The following HOXA10 variants were observed in gnomAD, a reference collection of about 807,000 sequenced individuals.
HOXA10 encodes the protein homeobox protein Hox-A10.
HOXA10 carries 12 observed loss-of-function variants against 29.7 expected under a neutral mutation model. The observed-to-expected ratio is 0.40, with a 90% CI of 0.26 to 0.65. HOXA10 has a LOEUF of 0.65. HOXA10 is among the 30% of genes least tolerant of loss of function. HOXA10 has a pLI of 0.37. For missense variants in HOXA10, 656 were observed against 585.9 expected (o/e 1.12, Z -1.24); for synonymous variants, 327 against 280.7 (o/e 1.16, Z -1.65).
chr7:27,172,934 C>T, intron 1 of HOXA10: 1 of 197,182 alleles, frequency 5.1e-6, no homozygotes, highest in East Asian at 1.5e-4. Context: ...CTGGCGGCTG[C>T]TTATTTTGGA....
At position 27,173,976 on chromosome 7, in the gene HOXA10, C is replaced by G. The variant is rs1464180084; in HGVS notation, c.331G>C (p.Gly111Arg). Reference protein sequence around the residue: ...GGLGPGAHGYGPSPIDLWLDA... With the variant: ...GGLGPGAHGYRPSPIDLWLDA... The stretch of plus-strand genomic sequence containing the variant: ...AGCCACAGGTCTATGGGCGAGGGCC[C>G]GTAGCCGTGCGCCCCGGGACCTAGA... Residue 111 changes from glycine to arginine, a missense_variant, in exon 1 of 2, where the codon GGG (glycine) becomes CGG (arginine). Physicochemically the swap from Gly to Arg is moderately radical, Grantham distance 125. This residue lies in a region of HOXA10 where 594 missense variants were observed against 491.9 expected (regional missense o/e 1.21). Transcript: ENST00000283921. The G allele has an allele frequency of 2.6e-6, 4 of 1,527,724 alleles. No individual in the cohort carries two copies. Among genetic ancestry groups the G allele is most frequent in the Non-Finnish European group, 3.5e-6 (4 of 1,142,224 alleles). The allele number at this position is 1,527,724 out of a possible 1,614,324, so 94.6% of individuals were successfully genotyped here. A position where few individuals can be genotyped will look rare whatever the true frequency, so the allele number is the denominator to read the frequency against.
chr7:27,173,564 C>T lies in HOXA10; in HGVS notation c.743G>A (p.Arg248His). 2.1e-6 allele frequency: 3 copies of T among 1,462,862 alleles called. No individual in the cohort carries two copies. Among genetic ancestry groups the T allele is most frequent in the Non-Finnish European group, 2.7e-6 (3 of 1,115,222 alleles). 90.6% of individuals were successfully genotyped at this position (1,462,862 alleles called of 1,614,324 possible). ...TAGCGCGGGCGGGAGATCGAAACCG[C>T]GCCCCGGGGGCTGCGCGGGGAACGG... ...AGPFPAQPPGRGFDLPPALAS... is the reference protein window; with the variant it reads ...AGPFPAQPPGHGFDLPPALAS... The change falls in exon 1 of 2, where the codon CGC (arginine) becomes CAC (histidine). Residue 248 changes from arginine to histidine, a missense_variant. By Grantham distance (29) the Arg-to-His change is conservative. Around this residue, in one of 2 missense-constraint regions of HOXA10, gnomAD observed 594 missense variants for 491.9 expected, o/e 1.21. Coordinates refer to ENST00000283921, the MANE Select transcript of HOXA10 (RefSeq NM_018951.4).
In HOXA10 at chr7:27,173,108, C is replaced by T. The variant is rs372422461; in HGVS notation, c.958+241G>A. On this transcript the variant is annotated intron_variant, in intron 1 of 1. Transcript: ENST00000283921. The stretch of plus-strand genomic sequence containing the variant: ...GGGGCCTGCTCGCTGGTGTCCTCGT[C>T]CCTAGTCAGGGGGAGCTGAGGCCAG... 1.1e-5 allele frequency: 7 copies of T among 612,116 alleles called. No individual in the cohort carries two copies. In the African/African-American group the frequency reaches 1.3e-4, roughly 11 times the overall value. The allele number at this position is 612,116 out of a possible 1,614,324, so 37.9% of individuals were successfully genotyped here. A position where few individuals can be genotyped will look rare whatever the true frequency, so the allele number is the denominator to read the frequency against.
chr7:27,177,049 C>T (rs1471713839), upstream of HOXA10, among the ~76,000 whole-genome samples: 5 of 152,344 alleles, frequency 3.3e-5, no homozygotes, highest in East Asian at 1.9e-4. Flanking sequence ...CAGGTCAGGG[C>T]CCCGTAGGGC....
At chr7:27,179,729 G>C in exon 1 of HOXA10, 1 of 750,384 alleles carries the variant, frequency 1.3e-6, no homozygotes, top group Non-Finnish European at 2.5e-6. Context: ...AATGCGCGTT[G>C]CTTTAAATTA....
At chr7:27,175,983 G>A (rs1783649038), upstream of HOXA10, among the ~76,000 whole-genome samples, 1 of 152,218 alleles carries the variant, frequency 6.6e-6, no homozygotes, top group Non-Finnish European at 1.5e-5. Context: ...GATTCAAGCA[G>A]CTGCGGTCGC....
In HOXA10 at chr7:27,170,979, G is replaced by T. The variant is rs528609608; in HGVS notation, c.*920C>A. The T allele has an allele frequency of 1.3e-5, 6 of 449,324 alleles. No homozygotes were observed. The highest frequency in any genetic ancestry group is 7.1e-5 in the Admixed American group (3 of 42,184). The allele number at this position is 449,324 out of a possible 1,614,324, so 27.8% of individuals were successfully genotyped here. On this transcript the variant is annotated 3_prime_UTR_variant, in exon 2 of 2. Coordinates refer to ENST00000283921, the MANE Select transcript of HOXA10 (RefSeq NM_018951.4). ...AAAACAAACAAAAAAAAAACTTTTTGTTCAAGGCGATTTAAAAAAACAACT... is the reference window on the plus strand; with the variant it reads ...AAAACAAACAAAAAAAAAACTTTTTTTTCAAGGCGATTTAAAAAAACAACT...
At chr7:27,179,607 C>T in intron 1 of HOXA10, 1 of 773,248 alleles carries the variant, frequency 1.3e-6, no homozygotes, top group Non-Finnish European at 2.4e-6. Flanking sequence ...CCCACTCCCG[C>T]CCCACCAGAC....
Position 27,171,774 on chromosome 7 carries a change from A to T in HOXA10, c.*125T>A, listed in dbSNP as rs1432156870. 7.4e-6 allele frequency: 7 copies of T among 949,984 alleles called. No homozygotes were observed. Among genetic ancestry groups the T allele is most frequent in the Non-Finnish European group, 1.0e-5 (6 of 576,196 alleles). 58.8% of individuals were successfully genotyped at this position (949,984 alleles called of 1,614,324 possible). A position where few individuals can be genotyped will look rare whatever the true frequency, so the allele number is the denominator to read the frequency against. On this transcript the variant is annotated 3_prime_UTR_variant, in exon 2 of 2. Coordinates refer to ENST00000283921, the MANE Select transcript of HOXA10 (RefSeq NM_018951.4). ...CCCTGCACAGATGTAACGGCCCAGGAGATGGCGAGTGTGGGAGGGAGGAAC... is the reference window on the plus strand; with the variant it reads ...CCCTGCACAGATGTAACGGCCCAGGTGATGGCGAGTGTGGGAGGGAGGAAC...
At chr7:27,178,534 G>A, upstream of HOXA10, among the ~76,000 whole-genome samples, 1 of 152,218 alleles carries the variant, frequency 6.6e-6, no homozygotes, top group East Asian at 1.9e-4. Flanking sequence ...ATAATAAACA[G>A]CCTCTGGCCT....
At chr7:27,175,760 G>A (rs1300438120), upstream of HOXA10, among the ~76,000 whole-genome samples, 4 of 152,240 alleles carry the variant, frequency 2.6e-5, no homozygotes, top group African/African-American at 9.6e-5. Flanking sequence ...TCCGGCCCCA[G>A]TCGGAGCTGG....
At chr7:27,174,642 C>T (rs1004994357), upstream of HOXA10, 14 of 379,216 alleles carry the variant, frequency 3.7e-5, no homozygotes, top group Non-Finnish European at 6.2e-5. Flanking sequence ...GCCCTTGGGC[C>T]CCGCGCAGTT....
intron 1 of HOXA10, chr7:27,172,571 A>C (rs1187789128): frequency 7.3e-6 from 2 of 273,526 alleles, no homozygotes; most frequent in African/African-American, 4.6e-5. Flanking sequence ...TACTTGGAAG[A>C]TGGGCCAGGC....
chr7:27,171,821 G>A lies in HOXA10; in HGVS notation c.*78C>T, dbSNP rs1783498270. The A allele has an allele frequency of 6.8e-7, 1 of 1,469,352 alleles. No homozygotes were observed. The highest frequency in any genetic ancestry group is 1.1e-5 in the South Asian group (1 of 87,906). The allele number at this position is 1,469,352 out of a possible 1,614,324, so 91.0% of individuals were successfully genotyped here. On this transcript the variant is annotated 3_prime_UTR_variant, in exon 2 of 2. Transcript: ENST00000283921. ...GAACAGGGCTCCAGCACAGGTGCGA[G>A]TTCCTGGGCAGAGCCTGAAGACAGA...
chr7:27,176,173 A>G (rs187014851), upstream of HOXA10, among the ~76,000 whole-genome samples: 5 of 152,330 alleles, frequency 3.3e-5, no homozygotes, highest in African/African-American at 1.2e-4. Flanking sequence ...GGACAGAGGG[A>G]GAGAAAAGAG....
upstream of HOXA10, among the ~76,000 whole-genome samples, chr7:27,175,344 C>T (rs1160871187): frequency 6.6e-6 from 1 of 152,188 alleles, no homozygotes; most frequent in Non-Finnish European, 1.5e-5. Flanking sequence ...CTCATATGCT[C>T]CTGGAGGCTA....
upstream of HOXA10, among the ~76,000 whole-genome samples, chr7:27,175,992 G>A (rs1783649284): frequency 6.6e-6 from 1 of 152,204 alleles, no homozygotes; most frequent in Admixed American, 6.5e-5. Context: ...AGCTGCGGTC[G>A]CTGCGGGCAG....
At chr7:27,173,144 G>A (rs1192847777) in intron 1 of HOXA10, among the ~76,000 whole-genome samples, 2 of 152,224 alleles carry the variant, frequency 1.3e-5, no homozygotes, top group African/African-American at 2.4e-5. Flanking sequence ...CGCCGAGGAC[G>A]TCTTGCTGTG....
chr7:27,172,114 G>A lies in HOXA10; in HGVS notation c.1018C>T (p.Arg340Cys). 1 of 1,614,134 alleles carries A rather than the reference G, an allele frequency of 6.2e-7. No homozygotes were observed. Among genetic ancestry groups the A allele is most frequent in the Non-Finnish European group, 8.5e-7 (1 of 1,179,994 alleles). Residue 340 changes from arginine (R) to cysteine (C), a missense_variant, in exon 2 of 2, where the codon CGC becomes TGC. Arg to Cys is a radical substitution (Grantham distance 180). Coordinates refer to ENST00000283921, the MANE Select transcript of HOXA10 (RefSeq NM_018951.4). ...WLTAKSGRKK[R>C]CPYTKHQTLE... The stretch of plus-strand genomic sequence containing the variant: ...GTCTGGTGCTTCGTGTAGGGGCAGC[G>A]CTTCTTCCGACCACTCTTTGCCGTG...
Sources: gnomAD v4.1 joint callset for allele counts (sites outside exome capture counted in the v4.1 genomes callset) on GRCh38, gnomAD v4.1.1 for gene constraint, gnomAD v4.1.1 regional missense constraint, MANE v1.5 for transcripts, NCBI Gene and HGNC (gene_info 2026-07-23, HGNC 2026-07-21) for gene names.